Variants in STIL observed in about 807,000 individuals in gnomAD.
The protein encoded by STIL is SCL-interrupting locus protein.
In STIL, 55 loss-of-function variants were observed where a neutral mutation model predicts 110.1. That is an observed-to-expected ratio of 0.50 (90% CI 0.40 to 0.63). STIL has a LOEUF of 0.63. STIL is among the 20% of genes least tolerant of loss of function. STIL has a pLI of 0.00. For missense variants in STIL, 1,358 were observed against 1,530.0 expected, an observed-to-expected ratio of 0.89 and a Z score of 1.87; for synonymous variants, 481 against 530.0, an observed-to-expected ratio of 0.91 and a Z score of 1.27.
Position 47,250,881 on chromosome 1 carries a change from ACTT to A in STIL, c.*252_*254del, listed in dbSNP as rs1282599188. ...TAGAGCTGGATAGTATCTGTCTACT[ACTT>A]AAACTTGTAGGAATAACTGATCTCA... is the stretch of plus-strand genomic sequence containing the variant. On this transcript the variant is annotated 3_prime_UTR_variant, in exon 17 of 17. Transcript: ENST00000371877. 2.1e-6 allele frequency: 1 copy of A among 467,560 alleles called. No individual in the cohort carries two copies. The highest frequency in any genetic ancestry group is 3.8e-6 in the Non-Finnish European group (1 of 263,174). 29.0% of individuals were successfully genotyped at this position (467,560 alleles called of 1,614,324 possible).
intron 9 of STIL, among the ~76,000 whole-genome samples, chr1:47,289,135 A>C (rs1055493197): frequency 6.6e-6 from 1 of 151,740 alleles, no homozygotes; most frequent in African/African-American, 2.4e-5. Flanking sequence ...AACCTTCACA[A>C]GTATAAAATG....
At chr1:47,313,139 C>T (rs1258780120) in intron 1 of STIL, 1 of 152,272 alleles carries the variant, frequency 6.6e-6, no homozygotes, top group East Asian at 1.9e-4. Context: ...GCCCGACCAA[C>T]ATGGTGAAAC....
At position 47,262,142 on chromosome 1, in the gene STIL, T is replaced by G. The variant is rs547065661; in HGVS notation, c.2829+761A>C. Among the ~76,000 whole-genome samples, 26 of 152,294 alleles carry G rather than the reference T, an allele frequency of 1.7e-4. No homozygotes were observed. The East Asian group carries it at 4.8e-3, about 28-fold the overall frequency. On this transcript the variant is annotated intron_variant, in intron 15 of 16. Coordinates refer to ENST00000371877, the MANE Select transcript of STIL (RefSeq NM_001048166.1). ...TATTTCATTCCCTGAGCATACAAGC[T>G]GCTAGCACCAGCCTAGGACCTAGCA...
intron 12 of STIL, among the ~76,000 whole-genome samples, chr1:47,274,021 TAA>T (rs1644914113): frequency 6.6e-6 from 1 of 152,178 alleles, no homozygotes; most frequent in Admixed American, 6.5e-5. Flanking sequence ...CTAAGGTTGT[TAA>T]AAGAGATAAA....
intron 16 of STIL, among the ~76,000 whole-genome samples, chr1:47,254,878 TCC>T (rs1433713231): frequency 2.6e-5 from 4 of 152,196 alleles, no homozygotes; most frequent in Admixed American, 6.5e-5. Flanking sequence ...GGTTAAAAGA[TCC>T]ATAAAGTAGT....
chr1:47,280,103 C>G, intron 12 of STIL, 138 bp downstream of exon 12: 1 of 1,169,132 alleles, frequency 8.6e-7, no homozygotes. Flanking sequence ...ACAAGAGGGC[C>G]TAGAATTCAG....
At chr1:47,304,149 G>A (rs1483797947) in intron 3 of STIL, among the ~76,000 whole-genome samples, 2 of 145,280 alleles carry the variant, frequency 1.4e-5, no homozygotes, top group Non-Finnish European at 3.1e-5. Context: ...TTATTGCACC[G>A]TTTTTTTTTC....
chr1:47,298,747 T>G (rs1163737986), intron 6 of STIL, among the ~76,000 whole-genome samples: 2 of 151,916 alleles, frequency 1.3e-5, no homozygotes, highest in Non-Finnish European at 2.9e-5. Flanking sequence ...TTTTTTTTTG[T>G]TTTTTGGTTT....
chr1:47,287,400 T>C (rs527466767), intron 10 of STIL, 151 bp downstream of exon 10: 1 of 572,438 alleles, frequency 1.7e-6, no homozygotes, highest in African/African-American at 1.9e-5. Context: ...TCCTAGTGAA[T>C]ATGAAGGAAT....
At chr1:47,289,631 G>A (rs773674519) in intron 8 of STIL, 46 bp from the exon 9 acceptor site, 11 of 1,523,172 alleles carry the variant, frequency 7.2e-6, no homozygotes, top group Non-Finnish European at 9.1e-6. Context: ...AGGATAACAT[G>A]ATGACACTCA....
chr1:47,252,000 C>T, intron 16 of STIL, 78 bp from the exon 17 acceptor site: 5 of 1,438,182 alleles, frequency 3.5e-6, no homozygotes, highest in Non-Finnish European at 4.7e-6. Flanking sequence ...CCATTCTATA[C>T]AAGCAACAAA....
At position 47,280,951 on chromosome 1, in the gene STIL, A is replaced by C. The variant is rs772401403; in HGVS notation, c.1507T>G (p.Cys503Gly). 1.5e-5 allele frequency: 25 copies of C among 1,613,928 alleles called. No individual in the cohort carries two copies. The Admixed American group carries it at 3.8e-4, about 25-fold the overall frequency. The change falls in exon 12 of 17, where the codon TGC (cysteine) becomes GGC (glycine). Residue 503 changes from cysteine to glycine, a missense_variant. Coordinates refer to ENST00000371877, the MANE Select transcript of STIL (RefSeq NM_001048166.1). ...TAGGCAGGTGGCTGTCTTACTTTGC[A>C]GTGTCTCAAAAGAGCTGGTTTATCC... ...NQDKPALLRH[C>G]KVRQPPAYKK...
intron 13 of STIL, among the ~76,000 whole-genome samples, chr1:47,270,191 T>C (rs1644778146): frequency 6.8e-6 from 1 of 146,772 alleles, no homozygotes; most frequent in Non-Finnish European, 1.5e-5. Flanking sequence ...TGAGCTGTGA[T>C]TGTGCTACTG....
chr1:47,285,293 A>C (rs1279578189), intron 10 of STIL, among the ~76,000 whole-genome samples: 2 of 152,094 alleles, frequency 1.3e-5, no homozygotes, highest in Middle Eastern at 6.8e-3. Context: ...CAGCCTTCCA[A>C]AGTACTGGAA....
intron 16 of STIL, among the ~76,000 whole-genome samples, chr1:47,257,480 C>A (rs1459173289): frequency 6.6e-6 from 1 of 151,958 alleles, no homozygotes; most frequent in Non-Finnish European, 1.5e-5. Context: ...GGTGACAGGC[C>A]TGGGTGACAG....
chr1:47,279,160 A>G (rs1645075377), intron 12 of STIL, among the ~76,000 whole-genome samples: 1 of 151,878 alleles, frequency 6.6e-6, no homozygotes, highest in East Asian at 1.9e-4. Flanking sequence ...TTAGCCGGGC[A>G]TAGTCCCAGC....
intron 2 of STIL, among the ~76,000 whole-genome samples, chr1:47,307,259 T>C (rs1192854271): frequency 6.6e-6 from 1 of 152,146 alleles, no homozygotes; most frequent in Non-Finnish European, 1.5e-5. Flanking sequence ...GAGGTTGCAG[T>C]GAGCTGAGAC....
chr1:47,295,941 GGA>G (rs1447373633), intron 6 of STIL, 93 bp from the exon 7 acceptor site: 1 of 942,002 alleles, frequency 1.1e-6, no homozygotes, highest in Non-Finnish European at 1.7e-6. Flanking sequence ...TTTAGAAAGG[GGA>G]GATAATTCAA....
At chr1:47,279,722 C>T (rs546418465) in intron 12 of STIL, among the ~76,000 whole-genome samples, 5 of 112,574 alleles carry the variant, frequency 4.4e-5, no homozygotes, top group African/African-American at 1.9e-4. Context: ...GAAGAGACTC[C>T]GTCTCAAAAA....
Sources: gnomAD v4.1 joint callset for allele counts (sites outside exome capture counted in the v4.1 genomes callset) on GRCh38, gnomAD v4.1.1 for gene constraint, MANE v1.5 for transcripts, NCBI Gene and HGNC (gene_info 2026-07-23, HGNC 2026-07-21) for gene names.